ARB2A: variants seen among roughly 807,000 people sequenced by gnomAD.
The protein encoded by ARB2A is cotranscriptional regulator ARB2A.
the ARB2A span, among the ~76,000 whole-genome samples, chr5:93,883,638 C>T: frequency 6.6e-6 from 1 of 151,510 alleles, no homozygotes; most frequent in Non-Finnish European, 1.5e-5. Context: ...CCTTGTGCCT[C>T]TTACAACTTT....
At chr5:93,650,239 A>G in the ARB2A span, among the ~76,000 whole-genome samples, 1 of 152,146 alleles carries the variant, frequency 6.6e-6, no homozygotes, top group Non-Finnish European at 1.5e-5. Context: ...CTTTAAATAA[A>G]CTATTCTATA....
chr5:93,916,999 T>C, the ARB2A span, among the ~76,000 whole-genome samples: 1 of 152,168 alleles, frequency 6.6e-6, no homozygotes, highest in Non-Finnish European at 1.5e-5. Flanking sequence ...ATTTGTAACA[T>C]GAATAAATAA....
the ARB2A span, among the ~76,000 whole-genome samples, chr5:93,872,161 T>C: frequency 6.6e-6 from 1 of 152,092 alleles, no homozygotes; most frequent in African/African-American, 2.4e-5. Flanking sequence ...TTGGCCACGC[T>C]GGTCTTGAAA....
chr5:93,678,560 A>G, the ARB2A span, among the ~76,000 whole-genome samples: 2 of 152,210 alleles, frequency 1.3e-5, no homozygotes, highest in Non-Finnish European at 2.9e-5. Context: ...GTTTAAGGCC[A>G]GTTTGGCCAA....
the ARB2A span, among the ~76,000 whole-genome samples, chr5:93,628,305 T>A: frequency 6.6e-6 from 1 of 152,076 alleles, no homozygotes; most frequent in African/African-American, 2.4e-5. Context: ...CATCTCGGCC[T>A]CCCAAAGTGC....
At chr5:93,618,566 G>T in the ARB2A span, 1 of 152,094 alleles carries the variant, frequency 6.6e-6, no homozygotes. Context: ...CAGGAAAATC[G>T]AGGTGAACAT....
the ARB2A span, among the ~76,000 whole-genome samples, chr5:94,068,185 C>G: frequency 2.6e-5 from 4 of 152,146 alleles, no homozygotes; most frequent in Non-Finnish European, 5.9e-5. Context: ...TTGGGCCATG[C>G]GGTGAGTGTT....
chr5:93,816,758 A>T, the ARB2A span, among the ~76,000 whole-genome samples: 1 of 152,204 alleles, frequency 6.6e-6, no homozygotes, highest in Non-Finnish European at 1.5e-5. Context: ...TGCATGAAGG[A>T]TATAAAAGGA....
the ARB2A span, chr5:93,784,262 C>T: frequency 9.0e-6 from 6 of 669,942 alleles, no homozygotes; most frequent in East Asian, 2.6e-5. Flanking sequence ...TTTCTATTTC[C>T]TCTCAATGTT....
At chr5:93,630,747 G>C in the ARB2A span, among the ~76,000 whole-genome samples, 3 of 151,882 alleles carry the variant, frequency 2.0e-5, no homozygotes, top group East Asian at 5.8e-4. Context: ...GGCCAGGCTG[G>C]GCAACATCAC....
chr5:93,647,240 C>T, the ARB2A span, among the ~76,000 whole-genome samples: 2 of 152,054 alleles, frequency 1.3e-5, no homozygotes, highest in Non-Finnish European at 2.9e-5. Flanking sequence ...TTTTCTTCCC[C>T]CCCGAGACGG....
the ARB2A span, among the ~76,000 whole-genome samples, chr5:94,024,500 C>T: frequency 6.6e-6 from 1 of 152,060 alleles, no homozygotes; most frequent in Non-Finnish European, 1.5e-5. Context: ...CCTGCTGGTT[C>T]TGTTACTCTG....
chr5:93,694,758 T>C, the ARB2A span, among the ~76,000 whole-genome samples: 1 of 152,200 alleles, frequency 6.6e-6, no homozygotes, highest in Non-Finnish European at 1.5e-5. Flanking sequence ...AGAAAAAAGC[T>C]GGAGGCATCA....
At chr5:94,060,481 C>A in the ARB2A span, among the ~76,000 whole-genome samples, 7 of 152,064 alleles carry the variant, frequency 4.6e-5, no homozygotes, top group African/African-American at 7.2e-5. Flanking sequence ...ATAAACAATA[C>A]GAATAGTCTT....
the ARB2A span, among the ~76,000 whole-genome samples, chr5:93,794,294 T>C: frequency 6.6e-6 from 1 of 152,012 alleles, no homozygotes; most frequent in African/African-American, 2.4e-5. Context: ...ATTTATATTA[T>C]CTATTTCACT....
At chr5:93,737,326 A>G in the ARB2A span, 2 of 152,150 alleles carry the variant, frequency 1.3e-5, no homozygotes, top group Admixed American at 1.3e-4. Flanking sequence ...CATGGATTGG[A>G]AGACTTAAAA....
the ARB2A span, among the ~76,000 whole-genome samples, chr5:94,014,912 G>C: frequency 6.7e-6 from 1 of 149,678 alleles, no homozygotes; most frequent in East Asian, 2.0e-4. Context: ...TAACTCAAAA[G>C]ACCAAATCTA....
At chr5:93,643,250 C>T in the ARB2A span, among the ~76,000 whole-genome samples, 2 of 152,054 alleles carry the variant, frequency 1.3e-5, no homozygotes, top group African/African-American at 2.4e-5. Flanking sequence ...AATTGTGAAG[C>T]CTAACCAGGA....
chr5:94,037,731 A>G, the ARB2A span, among the ~76,000 whole-genome samples: 25 of 152,266 alleles, frequency 1.6e-4, no homozygotes, highest in Middle Eastern at 3.4e-3. Flanking sequence ...AAAGGTATCA[A>G]TTATACACAG....
Sources: allele counts gnomAD v4.1 joint callset (sites outside exome capture counted in the v4.1 genomes callset), GRCh38; gene constraint gnomAD v4.1.1; transcripts MANE v1.5; gene names NCBI Gene and HGNC (gene_info 2026-07-23, HGNC 2026-07-21).